PRELID2: variants seen among roughly 807,000 people sequenced by gnomAD.
PRELID2 encodes the protein PRELI domain-containing protein 2.
In PRELID2, 25 loss-of-function variants were observed where a neutral mutation model predicts 28.4. The observed-to-expected ratio is 0.88, with a 90% confidence interval of 0.64 to 1.23. PRELID2 has a LOEUF of 1.23. Ranked by LOEUF, PRELID2 falls within the 50% of genes most tolerant of loss-of-function variation. The probability of loss-of-function intolerance (pLI) is 0.00; values close to 1 mark genes in which losing one functional copy is unlikely to be tolerated. For synonymous variants in PRELID2, 76 were observed against 71.6 expected, an observed-to-expected ratio of 1.06 and a Z score of -0.31; for missense variants, 201 against 214.4, an observed-to-expected ratio of 0.94 and a Z score of 0.39.
At chr5:145,619,220 G>A (rs1433002752) in intron 1 of PRELID2, among the ~76,000 whole-genome samples, 5 of 152,174 alleles carry the variant, frequency 3.3e-5, no homozygotes, top group African/African-American at 1.2e-4. Context: ...CTGGTTCAAA[G>A]TTCAAAAGTT....
the PRELID2 span, among the ~76,000 whole-genome samples, chr5:145,380,516 C>T: frequency 6.6e-6 from 1 of 152,234 alleles, no homozygotes; most frequent in African/African-American, 2.4e-5. Flanking sequence ...TCAAATATAA[C>T]TTCTCAACAA....
the PRELID2 span, among the ~76,000 whole-genome samples, chr5:145,342,902 T>A: frequency 2.7e-4 from 35 of 128,878 alleles, no homozygotes; most frequent in South Asian, 4.6e-4. Context: ...TCAAAAACAG[T>A]AAAAAAAAAA....
intron 1 of PRELID2, among the ~76,000 whole-genome samples, chr5:145,743,712 A>T (rs1347339634): frequency 6.6e-6 from 1 of 152,176 alleles, no homozygotes; most frequent in African/African-American, 2.4e-5. Flanking sequence ...TGGCGAAACC[A>T]CGCTACAGAG....
the PRELID2 span, among the ~76,000 whole-genome samples, chr5:145,250,929 T>C: frequency 7.2e-5 from 11 of 152,282 alleles, no homozygotes; most frequent in African/African-American, 2.4e-4. Flanking sequence ...GGGTACTTAC[T>C]TTCATTTTAC....
chr5:145,481,646 A>G (rs1271812257), intron 1 of PRELID2, among the ~76,000 whole-genome samples: 3 of 142,764 alleles, frequency 2.1e-5, no homozygotes, highest in African/African-American at 5.1e-5. Context: ...AAAAAAAAAA[A>G]AAAAAAAGAA....
chr5:145,368,867 A>G, the PRELID2 span, among the ~76,000 whole-genome samples: 1 of 151,514 alleles, frequency 6.6e-6, no homozygotes, highest in Non-Finnish European at 1.5e-5. Flanking sequence ...TTTACAGAGA[A>G]GCTAGTGTTA....
the PRELID2 span, among the ~76,000 whole-genome samples, chr5:145,422,186 G>T: frequency 1.3e-5 from 2 of 148,284 alleles, no homozygotes; most frequent in African/African-American, 5.0e-5. Flanking sequence ...GTGTGGTGTG[G>T]TGCTGAAAAA....
intron 5 of PRELID2, among the ~76,000 whole-genome samples, chr5:145,765,337 T>C (rs1216475356): frequency 6.6e-6 from 1 of 152,184 alleles, no homozygotes; most frequent in Non-Finnish European, 1.5e-5. Context: ...TAATATTCAT[T>C]GAACATTTAC....
chr5:145,326,576 T>C, the PRELID2 span, among the ~76,000 whole-genome samples: 2 of 152,114 alleles, frequency 1.3e-5, no homozygotes, highest in South Asian at 2.1e-4. Context: ...GGTATTGGAG[T>C]AGGTATAGAT....
intron 1 of PRELID2, among the ~76,000 whole-genome samples, chr5:145,693,039 C>A (rs755111109): frequency 6.6e-5 from 10 of 152,104 alleles, no homozygotes; most frequent in Non-Finnish European, 8.8e-5. Context: ...CCTCAAACTA[C>A]AGCTGTACAG....
chr5:145,514,336 A>G (rs998767533), intron 1 of PRELID2, among the ~76,000 whole-genome samples: 2 of 151,084 alleles, frequency 1.3e-5, no homozygotes, highest in African/African-American at 4.9e-5. Flanking sequence ...AAAAAAAAGC[A>G]TGGGTTGCAA....
chr5:145,735,784 G>C (rs73304015), intron 1 of PRELID2, among the ~76,000 whole-genome samples: 4,139 of 152,212 alleles, frequency 0.027, 190 homozygotes, highest in African/African-American at 0.093. Flanking sequence ...GGGATTAAAT[G>C]AGATAAGGCA....
Position 145,741,413 on chromosome 5 carries a change from T to A in PRELID2, n.70+23518A>T, listed in dbSNP as rs377143291. Reference sequence around the variant, plus strand: ...TTATTTATATATAAACAAAATTTATTTATAATTTATTTATATATAAACAAA... The same window carrying A: ...TTATTTATATATAAACAAAATTTATATATAATTTATTTATATATAAACAAA... On this transcript the variant is annotated intron_variant and non_coding_transcript_variant, in intron 1 of 2. Coordinates refer to the PRELID2 transcript ENST00000510259. Among the ~76,000 whole-genome samples the A allele has an allele frequency of 1.4e-4, 14 of 100,534 alleles. 1 individual carries two copies. The highest frequency in any genetic ancestry group is 9.6e-4 in the East Asian group (3 of 3,140). 66.0% of individuals were successfully genotyped at this position (100,534 alleles called of 152,430 possible).
At chr5:145,538,690 C>T (rs754490720) in intron 1 of PRELID2, among the ~76,000 whole-genome samples, 14 of 151,938 alleles carry the variant, frequency 9.2e-5, no homozygotes, top group Non-Finnish European at 1.8e-4. Context: ...ATTTTTCCTG[C>T]TTTCATTCAT....
the PRELID2 span, among the ~76,000 whole-genome samples, chr5:145,446,804 T>C: frequency 2.6e-5 from 4 of 152,184 alleles, no homozygotes; most frequent in East Asian, 5.8e-4. Flanking sequence ...ATCAGCACTT[T>C]GGGAGGCTGA....
At chr5:145,434,513 C>A in the PRELID2 span, among the ~76,000 whole-genome samples, 2 of 152,160 alleles carry the variant, frequency 1.3e-5, no homozygotes, top group Admixed American at 1.3e-4. Context: ...TTGCCAGGCT[C>A]ATATTGAAAC....
At chr5:145,459,558 CTTAA>C in the PRELID2 span, among the ~76,000 whole-genome samples, 2 of 152,066 alleles carry the variant, frequency 1.3e-5, no homozygotes, top group Admixed American at 6.6e-5. Context: ...TTTAAGGCTA[CTTAA>C]TTAACAATTT....
intron 1 of PRELID2, among the ~76,000 whole-genome samples, chr5:145,521,193 G>A (rs1363172654): frequency 1.3e-5 from 2 of 152,120 alleles, no homozygotes; most frequent in African/African-American, 4.8e-5. Context: ...ATTCTTTTGT[G>A]GCATATTTAA....
At chr5:145,579,858 T>C (rs1394334316) in intron 1 of PRELID2, among the ~76,000 whole-genome samples, 3 of 152,034 alleles carry the variant, frequency 2.0e-5, no homozygotes, top group Non-Finnish European at 4.4e-5. Context: ...TATCTCCCAT[T>C]GGCTCCCCCA....
Sources: allele counts gnomAD v4.1 joint callset (sites outside exome capture counted in the v4.1 genomes callset), GRCh38; gene constraint gnomAD v4.1.1; transcripts MANE v1.5; gene names NCBI Gene and HGNC (gene_info 2026-07-23, HGNC 2026-07-21).